DMD: variants seen among roughly 807,000 people sequenced by gnomAD.
The protein encoded by DMD is dystrophin.
Under a neutral mutation model 330.1 loss-of-function variants are expected in DMD, and 63 were observed. That is an observed-to-expected ratio of 0.19 (90% CI 0.16 to 0.24). The LOEUF is 0.24. Ranked by LOEUF, DMD falls within the 10% of genes least tolerant of loss-of-function variation. The pLI, the probability that DMD is intolerant of heterozygous loss-of-function variation, is 1.00. For synonymous variants in DMD, 1,223 were observed against 959.8 expected, an observed-to-expected ratio of 1.27 and a Z score of -5.07; for missense variants, 3,344 against 2,684.1, an observed-to-expected ratio of 1.25 and a Z score of -5.43.
At chrX:32,802,731 A>G (rs2076668864) in intron 7 of DMD, among the ~76,000 whole-genome samples, 1 of 111,907 alleles carries the variant, frequency 8.9e-6, no homozygotes, top group Non-Finnish European at 1.9e-5. Flanking sequence ...TGAGATAATC[A>G]TGTGGTTTTT....
At chrX:31,633,626 C>T (rs778178860) in intron 54 of DMD, among the ~76,000 whole-genome samples, 1 of 111,875 alleles carries the variant, frequency 8.9e-6, no homozygotes, top group Non-Finnish European at 1.9e-5. Flanking sequence ...TCAAATGTAA[C>T]ATATATCAAT....
At chrX:32,399,645 G>C (rs2098071811) in intron 30 of DMD, among the ~76,000 whole-genome samples, 1 of 111,098 alleles carries the variant, frequency 9.0e-6, no homozygotes, top group South Asian at 3.8e-4. Context: ...ATGTAAACTA[G>C]TACAACCACT....
chrX:32,697,227 T>C lies in DMD; in HGVS notation c.960+643A>G, dbSNP rs140586725. ...CTTGTATATTGGGTTCCATACAATA[T>C]TGAAAGGGTGGAAAACTCCACTGAG... On this transcript the variant is annotated intron_variant, in intron 9 of 78. Transcript: ENST00000357033. Among the ~76,000 whole-genome samples, 395 of 111,713 alleles carry C rather than the reference T, an allele frequency of 3.5e-3. 3 individuals are homozygous for C. Among genetic ancestry groups the C allele is most frequent in the African/African-American group, 0.012 (363 of 30,797 alleles).
chrX:32,349,353 T>A (rs1180237101), intron 37 of DMD, among the ~76,000 whole-genome samples: 1 of 111,756 alleles, frequency 8.9e-6, no homozygotes, highest in Non-Finnish European at 1.9e-5. Flanking sequence ...TCTCAATCTT[T>A]ATGCTGTATT....
intron 2 of DMD, 52 bp from the exon 3 acceptor site, chrX:32,849,872 C>T: frequency 1.1e-6 from 1 of 893,510 alleles, no homozygotes; most frequent in Non-Finnish European, 1.6e-6. Context: ...TCCAATGATA[C>T]ATTTTCACGA....
At chrX:31,714,236 A>G (rs1181634457) in intron 52 of DMD, among the ~76,000 whole-genome samples, 1 of 111,401 alleles carries the variant, frequency 9.0e-6, no homozygotes, top group East Asian at 2.8e-4. Flanking sequence ...CACAACTTAT[A>G]TGAGAGATAA....
intron 52 of DMD, among the ~76,000 whole-genome samples, chrX:31,702,168 C>T (rs2083859340): frequency 8.9e-6 from 1 of 112,135 alleles, no homozygotes; most frequent in African/African-American, 3.2e-5. Flanking sequence ...AGGCCCATTC[C>T]TTAAATGTTG....
intron 55 of DMD, among the ~76,000 whole-genome samples, chrX:31,509,349 G>A (rs773488326): frequency 5.4e-5 from 6 of 111,891 alleles, no homozygotes; most frequent in African/African-American, 1.9e-4. Context: ...TACTTCAGGA[G>A]AAAAAGCCAA....
intron 44 of DMD, among the ~76,000 whole-genome samples, chrX:32,208,081 A>G (rs1167601747): frequency 8.9e-6 from 1 of 111,947 alleles, no homozygotes; most frequent in African/African-American, 3.2e-5. Flanking sequence ...ATTCATTTTC[A>G]CAGCCTGCAG....
chrX:31,675,312 C>T (rs1261269109), intron 53 of DMD, among the ~76,000 whole-genome samples: 1 of 111,758 alleles, frequency 8.9e-6, no homozygotes, highest in Non-Finnish European at 1.9e-5. Context: ...CATGACATCT[C>T]CGGTTTTATT....
chrX:31,271,837 A>G (rs2147801086), intron 62 of DMD, among the ~76,000 whole-genome samples: 1 of 108,024 alleles, frequency 9.3e-6, no homozygotes. Flanking sequence ...TGTATGGTGA[A>G]TCATTGCTGG....
At chrX:32,782,122 T>C (rs1212894117) in intron 7 of DMD, among the ~76,000 whole-genome samples, 1 of 111,741 alleles carries the variant, frequency 8.9e-6, no homozygotes, top group African/African-American at 3.3e-5. Flanking sequence ...TGAAAAATGT[T>C]CATTTCCAAA....
intron 1 of DMD, among the ~76,000 whole-genome samples, chrX:33,219,969 G>C (rs2052141609): frequency 9.0e-6 from 1 of 111,050 alleles, no homozygotes; most frequent in Non-Finnish European, 1.9e-5. Flanking sequence ...GAGTCACCTA[G>C]CAAGCAGCAA....
At chrX:33,005,297 C>CATAT (rs35055456) in intron 2 of DMD, among the ~76,000 whole-genome samples, 15 of 104,094 alleles carry the variant, frequency 1.4e-4, no homozygotes, top group East Asian at 3.1e-4. Context: ...CACACACACG[C>CATAT]ATATATATAT....
In DMD at chrX:31,121,599, T is replaced by TATCA; in HGVS notation, c.*316_*319dup. ...ATAAAGAAATGGCAAGTTATTTAGC[T>TATCA]ATCAAGATTTTACATGTAGTTTTCT... On this transcript the variant is annotated 3_prime_UTR_variant, in exon 79 of 79. Coordinates refer to ENST00000357033, the MANE Select transcript of DMD (RefSeq NM_004006.3). 3.1e-6 allele frequency: 1 copy of TATCA among 318,774 alleles called. No individual in the cohort carries two copies. Among genetic ancestry groups the TATCA allele is most frequent in the East Asian group, 5.1e-5 (1 of 19,780 alleles). The allele number at this position is 318,774 out of a possible 1,213,427, so 26.3% of individuals were successfully genotyped here.
At chrX:31,638,242 C>G (rs1202306396) in intron 54 of DMD, among the ~76,000 whole-genome samples, 2 of 111,861 alleles carry the variant, frequency 1.8e-5, no homozygotes, top group Non-Finnish European at 3.8e-5. Flanking sequence ...CTTCAGACAT[C>G]AAGTACCAAA....
chrX:32,933,218 C>A (rs1216192389), intron 2 of DMD, among the ~76,000 whole-genome samples: 1 of 111,308 alleles, frequency 9.0e-6, no homozygotes, highest in African/African-American at 3.3e-5. Context: ...GGGAAGGGAG[C>A]CAGAAGTAGA....
At chrX:32,573,468 T>C in intron 15 of DMD, 62 bp downstream of exon 15, 1 of 878,837 alleles carries the variant, frequency 1.1e-6, no homozygotes, top group Non-Finnish European at 1.7e-6. Flanking sequence ...AGAGACTAAA[T>C]AATAGTGATA....
chrX:33,225,638 C>G (rs991298303), intron 1 of DMD, among the ~76,000 whole-genome samples: 1 of 111,224 alleles, frequency 9.0e-6, no homozygotes, highest in Non-Finnish European at 1.9e-5. Flanking sequence ...ACAGGAGAGT[C>G]TTCAGGATGA....
Sources: allele counts gnomAD v4.1 joint callset (sites outside exome capture counted in the v4.1 genomes callset), GRCh38; gene constraint gnomAD v4.1.1; transcripts MANE v1.5; gene names NCBI Gene and HGNC (gene_info 2026-07-23, HGNC 2026-07-21).